Variants in CXCL13 observed in about 807,000 individuals in gnomAD.
CXCL13 encodes C-X-C motif chemokine 13.
A neutral mutation model predicts 12.2 loss-of-function variants in CXCL13; 7 were observed. The ratio of observed to expected loss-of-function variants is 0.57; its 90% confidence interval spans 0.33 to 1.07. The LOEUF is 1.07. Ranked by LOEUF, CXCL13 falls within the 50% of genes least tolerant of loss-of-function variation. CXCL13 has a pLI of 0.04. For missense variants in CXCL13, 113 were observed against 127.4 expected (o/e 0.89, Z 0.55); for synonymous variants, 47 against 42.4 (o/e 1.11, Z -0.42).
At chr4:77,566,415 GAAAC>G (rs1008405331) in intron 1 of CXCL13, among the ~76,000 whole-genome samples, 2 of 152,168 alleles carry the variant, frequency 1.3e-5, no homozygotes, top group Non-Finnish European at 2.9e-5. Flanking sequence ...AACTAGAAAA[GAAAC>G]AAAGTGTAAT....
intron 1 of CXCL13, among the ~76,000 whole-genome samples, chr4:77,516,546 G>C (rs1479742496): frequency 6.6e-6 from 1 of 152,222 alleles, no homozygotes; most frequent in Non-Finnish European, 1.5e-5. Flanking sequence ...GAGAGTGTAT[G>C]TGTGGAGGAA....
At chr4:77,526,399 A>T (rs530295808) in intron 1 of CXCL13, among the ~76,000 whole-genome samples, 1 of 152,272 alleles carries the variant, frequency 6.6e-6, no homozygotes, top group South Asian at 2.1e-4. Context: ...CCTTCATACT[A>T]CAGAGTGCTT....
intron 1 of CXCL13, among the ~76,000 whole-genome samples, chr4:77,529,254 C>T (rs1474387989): frequency 6.6e-6 from 1 of 152,106 alleles, no homozygotes; most frequent in Non-Finnish European, 1.5e-5. Flanking sequence ...ATTGACTTGG[C>T]AATGCAGGCT....
In CXCL13 at chr4:77,605,858, C is replaced by T. The variant is rs777187615; in HGVS notation, c.-8C>T. 6.2e-7 allele frequency: 1 copy of T among 1,601,216 alleles called. No individual in the cohort carries two copies. Among genetic ancestry groups the T allele is most frequent in the Non-Finnish European group, 8.5e-7 (1 of 1,171,350 alleles). On this transcript the variant is annotated 5_prime_UTR_variant, in exon 1 of 4. Transcript: ENST00000682537. ...AGAGCTCAAGTCTGAACTCTACCTC[C>T]AGACAGAATGAAGTTCATCTCGACA...
intron 1 of CXCL13, among the ~76,000 whole-genome samples, chr4:77,535,846 G>A (rs1182674943): frequency 2.0e-5 from 3 of 152,162 alleles, no homozygotes; most frequent in Non-Finnish European, 2.9e-5. Flanking sequence ...CAGCATTTGA[G>A]TGCCAGATAA....
At chr4:77,547,112 T>C (rs1321576908) in intron 1 of CXCL13, among the ~76,000 whole-genome samples, 1 of 152,242 alleles carries the variant, frequency 6.6e-6, no homozygotes, top group African/African-American at 2.4e-5. Context: ...AGACAGTTTG[T>C]TGTGATTGCT....
chr4:77,560,424 C>A (rs915703729), intron 1 of CXCL13, among the ~76,000 whole-genome samples: 8 of 152,196 alleles, frequency 5.3e-5, no homozygotes, highest in African/African-American at 1.7e-4. Flanking sequence ...TGTTCTTGAT[C>A]AAGCCCTGTT....
chr4:77,555,156 G>C (rs547010689), intron 1 of CXCL13, among the ~76,000 whole-genome samples: 41 of 151,958 alleles, frequency 2.7e-4, no homozygotes, highest in African/African-American at 9.4e-4. Context: ...CAGATTCTTT[G>C]AAAAATTGTT....
chr4:77,604,690 T>A (rs556051442), upstream of CXCL13, among the ~76,000 whole-genome samples: 1 of 152,178 alleles, frequency 6.6e-6, no homozygotes. Flanking sequence ...ACTGGAGAAC[T>A]GCTTTTGTGT....
intron 1 of CXCL13, among the ~76,000 whole-genome samples, chr4:77,564,017 C>G (rs948086896): frequency 1.3e-5 from 2 of 152,214 alleles, no homozygotes; most frequent in Non-Finnish European, 2.9e-5. Flanking sequence ...GTTTGATACT[C>G]TGCTGTCACT....
At chr4:77,571,135 G>T (rs1036056311) in intron 1 of CXCL13, among the ~76,000 whole-genome samples, 1 of 152,040 alleles carries the variant, frequency 6.6e-6, no homozygotes, top group Non-Finnish European at 1.5e-5. Flanking sequence ...CCTGAGTCTG[G>T]TGGGGATGCG....
At chr4:77,559,560 C>A (rs1287004782) in intron 1 of CXCL13, among the ~76,000 whole-genome samples, 1 of 151,984 alleles carries the variant, frequency 6.6e-6, no homozygotes, top group African/African-American at 2.4e-5. Context: ...AACCATCCAC[C>A]TCTTTCTTCC....
At chr4:77,596,135 G>T (rs993035674) in intron 1 of CXCL13, among the ~76,000 whole-genome samples, 2 of 152,138 alleles carry the variant, frequency 1.3e-5, no homozygotes, top group African/African-American at 4.8e-5. Flanking sequence ...AAATACAATG[G>T]AATTTTTCCT....
chr4:77,564,114 T>C (rs1211050429), intron 1 of CXCL13, among the ~76,000 whole-genome samples: 2 of 152,246 alleles, frequency 1.3e-5, no homozygotes, highest in Admixed American at 1.3e-4. Flanking sequence ...CGGTCCCATT[T>C]GTATTAATTA....
At chr4:77,558,004 G>A (rs1325052041) in intron 1 of CXCL13, among the ~76,000 whole-genome samples, 2 of 152,142 alleles carry the variant, frequency 1.3e-5, no homozygotes, top group African/African-American at 2.4e-5. Flanking sequence ...ATCTCTTTGT[G>A]TCCTTGCTAG....
At position 77,540,047 on chromosome 4, in the gene CXCL13, T is replaced by G. The variant is rs189457176; in HGVS notation, c.-43+28259T>G. Among the ~76,000 whole-genome samples, 524 of 152,290 alleles carry G rather than the reference T, an allele frequency of 3.4e-3. 6 individuals carry two copies. Among genetic ancestry groups the G allele is most frequent in the African/African-American group, 0.012 (507 of 41,554 alleles). On this transcript the variant is annotated intron_variant, in intron 1 of 4. Coordinates refer to the CXCL13 transcript ENST00000286758. ...ATCTTGATGAAGGAAGAAATTAACT[T>G]CATATAATTATTTTTAGAAAAATAG...
chr4:77,519,297 G>T (rs541422551), intron 1 of CXCL13, among the ~76,000 whole-genome samples: 1 of 152,286 alleles, frequency 6.6e-6, no homozygotes, highest in African/African-American at 2.4e-5. Flanking sequence ...GCTGCGTGCT[G>T]GGAGAACCAC....
At chr4:77,585,029 C>A (rs975713606) in intron 1 of CXCL13, among the ~76,000 whole-genome samples, 7 of 152,130 alleles carry the variant, frequency 4.6e-5, no homozygotes, top group Non-Finnish European at 1.0e-4. Flanking sequence ...GCTGGCTGAG[C>A]ACATCATGTT....
At position 77,559,719 on chromosome 4, in the gene CXCL13, G is replaced by A. The variant is rs543652794; in HGVS notation, c.-42-46105G>A. On this transcript the variant is annotated intron_variant, in intron 1 of 4. Transcript: ENST00000286758. ...AGGCAGATCACGAGGTCAGGAGATC[G>A]AGACCACCCTGGCTAACATTGTGAA... Among the ~76,000 whole-genome samples, 478 of 152,040 alleles carry A rather than the reference G, an allele frequency of 3.1e-3. 2 individuals carry two copies. Among genetic ancestry groups the A allele is most frequent in the African/African-American group, 0.011 (456 of 41,440 alleles).
Sources: allele counts gnomAD v4.1 joint callset (sites outside exome capture counted in the v4.1 genomes callset), GRCh38; gene constraint gnomAD v4.1.1; transcripts MANE v1.5; gene names NCBI Gene and HGNC (gene_info 2026-07-23, HGNC 2026-07-21).